GRIA1: variants seen among roughly 807,000 people sequenced by gnomAD.
GRIA1 encodes glutamate ionotropic receptor AMPA type subunit 1.
GRIA1 carries 31 observed loss-of-function variants against 99.2 expected under a neutral mutation model. That is an observed-to-expected ratio of 0.31 (90% CI 0.23 to 0.42). The LOEUF is 0.42. Ranked by LOEUF, GRIA1 falls within the 10% of genes least tolerant of loss-of-function variation. The pLI is 1.00. For synonymous variants in GRIA1, 438 were observed against 432.4 expected, an observed-to-expected ratio of 1.01 and a Z score of -0.16; for missense variants, 782 against 1,157.5, an observed-to-expected ratio of 0.68 and a Z score of 4.71.
intron 2 of GRIA1, among the ~76,000 whole-genome samples, chr5:153,599,783 T>C (rs1764735491): frequency 1.3e-5 from 2 of 152,060 alleles, no homozygotes; most frequent in African/African-American, 2.4e-5. Context: ...CTCTATAATA[T>C]AGAGATTTAT....
rs760603895 is a variant in GRIA1, at chr5:153,591,907, T to C, written c.221-55021T>C. Among the ~76,000 whole-genome samples the C allele has an allele frequency of 3.0e-4, 46 of 152,256 alleles. 1 individual carries two copies. The highest frequency in any genetic ancestry group is 5.7e-4 in the Non-Finnish European group (39 of 68,000). On this transcript the variant is annotated intron_variant, in intron 2 of 15. Coordinates refer to ENST00000285900, the MANE Select transcript of GRIA1 (RefSeq NM_000827.4). ...GAATCATCTCAAAAGATAGAAAGTA[T>C]ATTAGGAAAACATGCTTTAACTGTA...
intron 5 of GRIA1, 118 bp downstream of exon 5, chr5:153,655,990 T>C: frequency 1.3e-6 from 1 of 790,542 alleles, no homozygotes; most frequent in Non-Finnish European, 2.2e-6. Context: ...TTCAGGGCTG[T>C]AATAATGAGT....
At chr5:153,604,097 C>T (rs1765242175) in intron 2 of GRIA1, among the ~76,000 whole-genome samples, 2 of 151,690 alleles carry the variant, frequency 1.3e-5, no homozygotes, top group African/African-American at 2.4e-5. Context: ...ATAACAGAAA[C>T]AAGTTCTAAA....
At chr5:153,548,324 C>T (rs1381408811) in intron 2 of GRIA1, among the ~76,000 whole-genome samples, 2 of 152,002 alleles carry the variant, frequency 1.3e-5, no homozygotes, top group Non-Finnish European at 2.9e-5. Context: ...GAGGTGGGTC[C>T]CAGCAATATG....
chr5:153,517,970 G>C (rs1017119472), intron 2 of GRIA1, among the ~76,000 whole-genome samples: 1 of 152,152 alleles, frequency 6.6e-6, no homozygotes, highest in Non-Finnish European at 1.5e-5. Flanking sequence ...CATGTAACTG[G>C]ATTTCAGCCT....
chr5:153,544,492 G>T (rs1055563138), intron 2 of GRIA1, among the ~76,000 whole-genome samples: 4 of 152,108 alleles, frequency 2.6e-5, no homozygotes, highest in African/African-American at 9.7e-5. Context: ...CTCCACCAGG[G>T]TCTATAATGA....
chr5:153,508,008 G>A (rs77703920), intron 2 of GRIA1, among the ~76,000 whole-genome samples: 2,907 of 152,256 alleles, frequency 0.019, 91 homozygotes, highest in African/African-American at 0.065. Flanking sequence ...TGGAGATACC[G>A]CAGAAAACAA....
Position 153,646,968 on chromosome 5 carries a change from G to A in GRIA1, c.261G>A (p.Gly87=). ...QFSKGVYAIF[G]FYERRTVNML... is the part of the protein sequence containing the mutation. ...CCAAAGGAGTCTATGCCATCTTTGG[G>A]TTTTATGAACGTAGGACTGTCAACA... The change falls in exon 3 of 16, where the codon GGG becomes GGA. Residue 87 remains glycine (G), a synonymous_variant. Transcript: ENST00000285900. 6.2e-7 allele frequency: 1 copy of A among 1,613,844 alleles called. No individual in the cohort carries two copies. The highest frequency in any genetic ancestry group is 8.5e-7 in the Non-Finnish European group (1 of 1,179,816).
Position 153,782,910 on chromosome 5 carries a change from C to T in GRIA1, c.2271-11711C>T, listed in dbSNP as rs184022319. 9.2e-5 allele frequency among the ~76,000 whole-genome samples: 14 copies of T among 152,310 alleles called. No individual in the cohort carries two copies. The South Asian group carries it at 1.7e-3, about 18-fold the overall frequency. On this transcript the variant is annotated intron_variant, in intron 13 of 15. Coordinates refer to ENST00000285900, the MANE Select transcript of GRIA1 (RefSeq NM_000827.4). Reference sequence around the variant, plus strand: ...CAGGGAATCACTTCCCCAAACAAAACCTCTCATGGAATCCCATTATAAATG... The same window carrying T: ...CAGGGAATCACTTCCCCAAACAAAATCTCTCATGGAATCCCATTATAAATG...
intron 12 of GRIA1, among the ~76,000 whole-genome samples, chr5:153,765,362 T>C (rs1459801825): frequency 6.6e-6 from 1 of 152,040 alleles, no homozygotes; most frequent in East Asian, 1.9e-4. Flanking sequence ...CTAAAAGAGA[T>C]AGGGTATCTA....
rs891896233 is a variant in GRIA1 at position 153,770,781 on chromosome 5, A to C, written c.2270+366A>C. 1.3e-5 allele frequency among the ~76,000 whole-genome samples: 2 copies of C among 152,246 alleles called. 1 individual carries two copies. The highest frequency in any genetic ancestry group is 2.9e-5 in the Non-Finnish European group (2 of 68,048). On this transcript the variant is annotated intron_variant, in intron 13 of 15. Coordinates refer to ENST00000285900, the MANE Select transcript of GRIA1 (RefSeq NM_000827.4). ...AACGCTATGAACAGAGTTCTCCAGC[A>C]ACCTGAATTCTTTGACAGAAGGTGG...
intron 5 of GRIA1, among the ~76,000 whole-genome samples, chr5:153,668,463 T>C (rs1322719525): frequency 6.6e-6 from 1 of 152,172 alleles, no homozygotes; most frequent in African/African-American, 2.4e-5. Flanking sequence ...CTATATGACA[T>C]TAAATTACCA....
chr5:153,732,210 A>G (rs1338965228), intron 11 of GRIA1, among the ~76,000 whole-genome samples: 1 of 152,110 alleles, frequency 6.6e-6, no homozygotes, highest in Non-Finnish European at 1.5e-5. Context: ...TCTTTGTGAG[A>G]TGCTGATTTT....
chr5:153,767,819 A>G (rs1763620566), intron 12 of GRIA1, among the ~76,000 whole-genome samples: 1 of 152,156 alleles, frequency 6.6e-6, no homozygotes, highest in African/African-American at 2.4e-5. Flanking sequence ...TCCAAGAACA[A>G]ATACCCTGAG....
At chr5:153,767,205 G>T (rs1265091518) in intron 12 of GRIA1, among the ~76,000 whole-genome samples, 3 of 152,216 alleles carry the variant, frequency 2.0e-5, no homozygotes, top group African/African-American at 4.8e-5. Flanking sequence ...GCCTTCTTGT[G>T]CCAGGCACTG....
intron 1 of GRIA1, among the ~76,000 whole-genome samples, chr5:153,493,714 T>G (rs1385943445): frequency 6.6e-6 from 1 of 152,122 alleles, no homozygotes. Flanking sequence ...AGCAAAGTAA[T>G]AGATATTAGA....
chr5:153,551,974 C>T (rs184946527), intron 2 of GRIA1, among the ~76,000 whole-genome samples: 21 of 152,282 alleles, frequency 1.4e-4, no homozygotes, highest in African/African-American at 5.1e-4. Context: ...CTCTCCGAAG[C>T]AGTCACATGC....
At chr5:153,583,801 C>T (rs965746266) in intron 2 of GRIA1, among the ~76,000 whole-genome samples, 3 of 152,156 alleles carry the variant, frequency 2.0e-5, no homozygotes, top group Admixed American at 1.3e-4. Context: ...ATGCCCTTCA[C>T]TGAAAAGGTG....
At chr5:153,614,119 C>T (rs1766253275) in intron 2 of GRIA1, among the ~76,000 whole-genome samples, 1 of 152,206 alleles carries the variant, frequency 6.6e-6, no homozygotes, top group Non-Finnish European at 1.5e-5. Context: ...GGTCTCAGCT[C>T]AAATGACACT....
Sources: allele counts gnomAD v4.1 joint callset (sites outside exome capture counted in the v4.1 genomes callset), GRCh38; gene constraint gnomAD v4.1.1; transcripts MANE v1.5; gene names NCBI Gene and HGNC (gene_info 2026-07-23, HGNC 2026-07-21).